Variants in HMGCLL1 observed in about 807,000 individuals in gnomAD.
HMGCLL1 encodes 3-hydroxy-3-methylglutaryl-CoA lyase like 1.
Under a neutral mutation model 39.1 loss-of-function variants are expected in HMGCLL1, and 36 were observed. The ratio of observed to expected loss-of-function variants is 0.92; its 90% CI spans 0.71 to 1.22. HMGCLL1 has a LOEUF of 1.22. Among genes scored for constraint, HMGCLL1 ranks in the 50% most tolerant of loss-of-function variants. HMGCLL1 has a pLI of 0.00. For synonymous variants in HMGCLL1, 149 were observed against 144.0 expected (o/e 1.03, Z -0.25); for missense variants, 451 against 416.5 (o/e 1.08, Z -0.72).
intron 3 of HMGCLL1, among the ~76,000 whole-genome samples, chr6:55,522,465 G>A (rs1768088885): frequency 6.6e-6 from 1 of 151,914 alleles, no homozygotes. Flanking sequence ...TGCAATGTGG[G>A]ATGTTCAATA....
At chr6:55,598,726 G>A in the HMGCLL1 span, among the ~76,000 whole-genome samples, 1 of 152,242 alleles carries the variant, frequency 6.6e-6, no homozygotes, top group African/African-American at 2.4e-5. Flanking sequence ...AACGTTTAAT[G>A]GTTCAATCGC....
chr6:55,647,573 T>C, the HMGCLL1 span, among the ~76,000 whole-genome samples: 1 of 151,740 alleles, frequency 6.6e-6, no homozygotes, highest in Non-Finnish European at 1.5e-5. Flanking sequence ...TTTTTTTATT[T>C]GAGTTACCAT....
intron 7 of HMGCLL1, among the ~76,000 whole-genome samples, chr6:55,483,216 A>G (rs1765833554): frequency 6.6e-6 from 1 of 152,162 alleles, no homozygotes; most frequent in Admixed American, 6.6e-5. Context: ...GTTTTGAACA[A>G]ATTTAAATTC....
chr6:55,455,016 A>AG lies in HMGCLL1; in HGVS notation c.796-15458_796-15457insC, dbSNP rs1207673919. The stretch of plus-strand genomic sequence containing the variant: ...TCCCAGCTACTGGGGAGACTGAGAG[A>AG]AGATCACTTGAGCCTAGGAGTTTGA... On this transcript the variant is annotated intron_variant, in intron 7 of 8. Coordinates refer to ENST00000274901, the MANE Select transcript of HMGCLL1 (RefSeq NM_001042406.2). Among the ~76,000 whole-genome samples the AG allele has an allele frequency of 1.5e-3, 221 of 149,024 alleles. 2 individuals carry two copies. The highest frequency in any genetic ancestry group is 2.1e-3 in the Non-Finnish European group (141 of 67,184).
intron 1 of HMGCLL1, among the ~76,000 whole-genome samples, chr6:55,553,248 C>CGTGTGTGTGTGTGTGT (rs70986735): frequency 0.026 from 3,778 of 143,616 alleles, 84 homozygotes; most frequent in Admixed American, 0.071. Flanking sequence ...TACATATATA[C>CGTGTGTGTGTGTGTGT]GTGTGTGTGT....
chr6:55,437,497 T>C (rs1397457678), intron 8 of HMGCLL1, among the ~76,000 whole-genome samples: 1 of 151,744 alleles, frequency 6.6e-6, no homozygotes, highest in East Asian at 1.9e-4. Flanking sequence ...ATACAAAATG[T>C]ATAAAAGAGG....
At chr6:55,623,475 A>C in the HMGCLL1 span, among the ~76,000 whole-genome samples, 1 of 151,750 alleles carries the variant, frequency 6.6e-6, no homozygotes, top group Non-Finnish European at 1.5e-5. Context: ...AGAAATTTTA[A>C]AATTTCTTTC....
intron 5 of HMGCLL1, among the ~76,000 whole-genome samples, chr6:55,501,436 T>G (rs1327621909): frequency 6.6e-6 from 1 of 151,896 alleles, no homozygotes; most frequent in Non-Finnish European, 1.5e-5. Context: ...ACCTAAAATG[T>G]TATTGTCTGG....
intron 3 of HMGCLL1, among the ~76,000 whole-genome samples, chr6:55,528,551 T>A (rs562475445): frequency 1.3e-5 from 2 of 151,876 alleles, no homozygotes; most frequent in African/African-American, 4.8e-5. Flanking sequence ...ACAGAGGAGA[T>A]CTTGGTCTGC....
At chr6:55,515,033 T>A (rs1468649716) in intron 4 of HMGCLL1, among the ~76,000 whole-genome samples, 3 of 151,988 alleles carry the variant, frequency 2.0e-5, no homozygotes, top group Non-Finnish European at 4.4e-5. Context: ...GGTAGGCAGA[T>A]CACAAGGTCA....
At chr6:55,649,079 T>G in the HMGCLL1 span, among the ~76,000 whole-genome samples, 1 of 152,148 alleles carries the variant, frequency 6.6e-6, no homozygotes, top group Admixed American at 6.6e-5. Flanking sequence ...TATTGGTTCA[T>G]CATTTAGTCC....
At position 55,543,188 on chromosome 6, in the gene HMGCLL1, AATATATT is replaced by A. The variant is rs1554155949; in HGVS notation, c.109-1055_109-1049del. Among the ~76,000 whole-genome samples the A allele has an allele frequency of 8.2e-4, 6 of 7,342 alleles. 1 individual carries two copies. Among genetic ancestry groups the A allele is most frequent in the Admixed American group, 8.3e-3 (2 of 240 alleles). The allele number at this position is 7,342 out of a possible 152,430, so 4.8% of individuals were successfully genotyped here. A position where few individuals can be genotyped will look rare whatever the true frequency, so the allele number is the denominator to read the frequency against. On this transcript the variant is annotated intron_variant, in intron 1 of 8. Transcript: ENST00000274901. ...ATATAATATATAATATATAATATAT[AATATATT>A]ATATATTATATATTATATATTATAT...
rs1016740811 is a variant in HMGCLL1 at position 55,548,884 on chromosome 6, G to T, written c.109-6744C>A. Among the ~76,000 whole-genome samples the T allele has an allele frequency of 6.6e-5, 10 of 150,394 alleles. 1 individual carries two copies. The highest frequency in any genetic ancestry group is 2.5e-4 in the African/African-American group (10 of 40,414). On this transcript the variant is annotated intron_variant, in intron 1 of 8. Transcript: ENST00000274901. ...AAATGAGACAAAGTACATGTAAGAA[G>T]AAAAAAATCAAAGAAATCAAGAATA... is the stretch of plus-strand genomic sequence containing the variant.
At chr6:55,658,459 G>A in the HMGCLL1 span, among the ~76,000 whole-genome samples, 6 of 151,944 alleles carry the variant, frequency 3.9e-5, no homozygotes, top group South Asian at 2.1e-4. Flanking sequence ...ATGGGAATGC[G>A]TTGTGGGGCT....
intron 5 of HMGCLL1, chr6:55,513,283 G>A (rs1384383206): frequency 6.6e-6 from 1 of 152,038 alleles, no homozygotes; most frequent in Non-Finnish European, 1.5e-5. Context: ...TGGATCTTGG[G>A]TCAGTTTTTA....
At chr6:55,512,384 G>A (rs1396957430) in intron 5 of HMGCLL1, 1 of 151,810 alleles carries the variant, frequency 6.6e-6, no homozygotes, top group Non-Finnish European at 1.5e-5. Context: ...ATTTATATTC[G>A]AATTGAGAAA....
Position 55,542,077 on chromosome 6 carries a change from C to T in HMGCLL1, c.172G>A (p.Gly58Arg). The T allele has an allele frequency of 6.2e-7, 1 of 1,605,422 alleles. No homozygotes were observed. Reference protein sequence around the residue: ...VKIVEVGPRDGLQNEKVIVPT... With the variant: ...VKIVEVGPRDRLQNEKVIVPT... ...AAAACTACCTTTTCATTCTGCAATC[C>T]ATCCCTAGGCCCAACTTCTACTATT... The change falls in exon 2 of 9, where the codon GGA (glycine) becomes AGA (arginine). Residue 58 changes from glycine to arginine, a missense_variant. By Grantham distance (125) the Gly-to-Arg change is moderately radical. Transcript: ENST00000274901.
At chr6:55,612,533 C>A in the HMGCLL1 span, among the ~76,000 whole-genome samples, 1 of 152,156 alleles carries the variant, frequency 6.6e-6, no homozygotes, top group African/African-American at 2.4e-5. Context: ...AGGCATCACA[C>A]TACCTGACTT....
At chr6:55,606,664 G>C in the HMGCLL1 span, among the ~76,000 whole-genome samples, 5,081 of 152,134 alleles carry the variant, frequency 0.033, 319 homozygotes, top group African/African-American at 0.12. Context: ...GCTAAAATTA[G>C]TTTTATTCTG....
Sources: gnomAD v4.1 joint callset for allele counts (sites outside exome capture counted in the v4.1 genomes callset) on GRCh38, gnomAD v4.1.1 for gene constraint, MANE v1.5 for transcripts, NCBI Gene and HGNC (gene_info 2026-07-23, HGNC 2026-07-21) for gene names.